DNAI4: variants seen among roughly 807,000 people sequenced by gnomAD.
DNAI4 encodes WD repeat domain 78.
A neutral mutation model predicts 105.8 loss-of-function variants in DNAI4; 85 were observed. The observed-to-expected ratio is 0.80, with a 90% CI of 0.67 to 0.96. The LOEUF (loss-of-function observed/expected upper bound fraction) is 0.96. Ranked by LOEUF, DNAI4 falls within the 40% of genes least tolerant of loss-of-function variation. The pLI is 0.00. For missense variants in DNAI4, 1,014 were observed against 1,005.6 expected (o/e 1.01, Z -0.11); for synonymous variants, 352 against 331.5 (o/e 1.06, Z -0.67).
intron 15 of DNAI4, among the ~76,000 whole-genome samples, chr1:66,823,078 T>A (rs1035467443): frequency 6.8e-6 from 1 of 147,508 alleles, no homozygotes; most frequent in Non-Finnish European, 1.5e-5. Context: ...CCCACAACAG[T>A]CCCCAGAGTG....
At chr1:66,859,140 ACAAACAGC>A (rs796796498) in intron 7 of DNAI4, among the ~76,000 whole-genome samples, 48 of 152,280 alleles carry the variant, frequency 3.2e-4, no homozygotes, top group African/African-American at 1.1e-3. Context: ...CAATAAGAAA[ACAAACAGC>A]CAAATTTTTA....
At chr1:66,887,745 G>A (rs909373738) in intron 4 of DNAI4, among the ~76,000 whole-genome samples, 2 of 151,928 alleles carry the variant, frequency 1.3e-5, no homozygotes, top group African/African-American at 2.4e-5. Flanking sequence ...AGGCCAAGGC[G>A]GCGGATCACT....
intron 6 of DNAI4, among the ~76,000 whole-genome samples, chr1:66,865,823 G>A (rs957867945): frequency 8.5e-5 from 13 of 152,166 alleles, no homozygotes; most frequent in Admixed American, 3.9e-4. Context: ...TCCTGGGAAT[G>A]AGTAAATAAT....
intron 7 of DNAI4, chr1:66,847,895 C>A: frequency 2.0e-6 from 1 of 499,754 alleles, no homozygotes; most frequent in Non-Finnish European, 3.5e-6. Context: ...TACTATTTTT[C>A]AGAAGATAGG....
chr1:66,883,114 T>C (rs1211255112), intron 4 of DNAI4, among the ~76,000 whole-genome samples: 3 of 151,612 alleles, frequency 2.0e-5, no homozygotes, highest in Non-Finnish European at 2.9e-5. Context: ...TTTGCTTTTA[T>C]ATATTGACCT....
intron 16 of DNAI4, among the ~76,000 whole-genome samples, chr1:66,820,206 G>A (rs1199172756): frequency 4.0e-5 from 6 of 151,766 alleles, no homozygotes; most frequent in Non-Finnish European, 5.9e-5. Flanking sequence ...ACATTCCTCA[G>A]AGTAGACTAA....
chr1:66,920,379 C>T (rs1650382813), intron 1 of DNAI4, among the ~76,000 whole-genome samples: 1 of 152,156 alleles, frequency 6.6e-6, no homozygotes, highest in Non-Finnish European at 1.5e-5. Flanking sequence ...TCCTCCTGGA[C>T]ACTGGACAAG....
chr1:66,850,009 T>A (rs759431254), intron 7 of DNAI4, among the ~76,000 whole-genome samples: 1 of 151,936 alleles, frequency 6.6e-6, no homozygotes, highest in Admixed American at 6.6e-5. Context: ...AAAGAAATAA[T>A]AGCTGAAAAC....
chr1:66,850,586 CTTCATTACGAT>C (rs1346986064), intron 7 of DNAI4, among the ~76,000 whole-genome samples: 3 of 151,942 alleles, frequency 2.0e-5, no homozygotes, highest in Non-Finnish European at 4.4e-5. Flanking sequence ...TTTGAGTTTT[CTTCATTACGAT>C]TGACAGTTAA....
At chr1:66,816,932 T>C (rs1259208770) in intron 16 of DNAI4, among the ~76,000 whole-genome samples, 1 of 152,106 alleles carries the variant, frequency 6.6e-6, no homozygotes, top group Non-Finnish European at 1.5e-5. Flanking sequence ...TTACCAACTA[T>C]AAATGTGTCT....
chr1:66,901,850 G>T (rs988142775), intron 2 of DNAI4, among the ~76,000 whole-genome samples: 4 of 152,206 alleles, frequency 2.6e-5, no homozygotes, highest in African/African-American at 7.2e-5. Context: ...GCAGTGGCAC[G>T]ATCATAGCTC....
intron 13 of DNAI4, 49 bp downstream of exon 13, chr1:66,833,536 T>A (rs1024779993): frequency 1.3e-6 from 2 of 1,598,840 alleles, no homozygotes; most frequent in East Asian, 2.2e-5. Flanking sequence ...TACACTTCAA[T>A]TTTTGGAAAT....
intron 6 of DNAI4, among the ~76,000 whole-genome samples, chr1:66,870,155 C>T (rs112758053): frequency 2.0e-4 from 31 of 152,118 alleles, no homozygotes; most frequent in African/African-American, 6.7e-4. Context: ...AGAATAAAAC[C>T]GGCCATGGCC....
chr1:66,905,918 C>CTTTTTTTTTTTTTTT (rs34206774), intron 1 of DNAI4, among the ~76,000 whole-genome samples: 1 of 96,404 alleles, frequency 1.0e-5, no homozygotes, highest in East Asian at 3.2e-4. Flanking sequence ...TTATATACTA[C>CTTTTTTTTTTTTTTT]TTTTTTTTTT....
intron 6 of DNAI4, among the ~76,000 whole-genome samples, chr1:66,863,445 T>C (rs1646668751): frequency 6.6e-6 from 1 of 152,090 alleles, no homozygotes; most frequent in Non-Finnish European, 1.5e-5. Flanking sequence ...TTTTGTTTTT[T>C]TGTTTGTTTA....
At chr1:66,833,508 T>G (rs1645912547) in intron 13 of DNAI4, 77 bp downstream of exon 13, 3 of 1,508,524 alleles carry the variant, frequency 2.0e-6, no homozygotes, top group Non-Finnish European at 2.7e-6. Context: ...TAATATTTGG[T>G]CTTGTTTTAT....
chr1:66,822,182 T>C (rs1645642779), intron 16 of DNAI4, among the ~76,000 whole-genome samples, 179 bp downstream of exon 16: 1 of 113,780 alleles, frequency 8.8e-6, no homozygotes, highest in African/African-American at 2.9e-5. Context: ...AAGACGAGGC[T>C]GAAAAAAAAA....
chr1:66,903,128 G>A (rs376586204), intron 2 of DNAI4, among the ~76,000 whole-genome samples: 11 of 152,258 alleles, frequency 7.2e-5, no homozygotes, highest in African/African-American at 2.6e-4. Context: ...AGTCACTTTA[G>A]GTAGTATTGA....
intron 6 of DNAI4, among the ~76,000 whole-genome samples, chr1:66,863,935 T>A (rs979584942): frequency 6.6e-6 from 1 of 152,230 alleles, no homozygotes; most frequent in Non-Finnish European, 1.5e-5. Flanking sequence ...AACACTGAAT[T>A]ACTCAACTTT....
Sources: allele counts gnomAD v4.1 joint callset (sites outside exome capture counted in the v4.1 genomes callset), GRCh38; gene constraint gnomAD v4.1.1; transcripts MANE v1.5; gene names NCBI Gene and HGNC (gene_info 2026-07-23, HGNC 2026-07-21).